PTPRO: variants seen among roughly 807,000 people sequenced by gnomAD.
The protein encoded by PTPRO is protein tyrosine phosphatase receptor type O.
In PTPRO, 62 loss-of-function variants were observed where a neutral mutation model predicts 145.2. The ratio of observed to expected loss-of-function variants is 0.43; its 90% CI spans 0.35 to 0.53. The LOEUF (loss-of-function observed/expected upper bound fraction) is 0.53. Among genes scored for constraint, PTPRO ranks in the 20% least tolerant of loss-of-function variants. PTPRO has a pLI of 0.01. For synonymous variants in PTPRO, 565 were observed against 514.7 expected, an observed-to-expected ratio of 1.10 and a Z score of -1.32; for missense variants, 1,345 against 1,482.7, an observed-to-expected ratio of 0.91 and a Z score of 1.53.
chr12:15,363,975 A>G (rs1318165552), intron 1 of PTPRO, among the ~76,000 whole-genome samples: 2 of 152,200 alleles, frequency 1.3e-5, no homozygotes, highest in Non-Finnish European at 2.9e-5. Flanking sequence ...TGAATAAGTG[A>G]AACAAGATGT....
Position 15,366,585 on chromosome 12 carries a change from T to C in PTPRO, c.75+43784T>C, listed in dbSNP as rs544325442. Among the ~76,000 whole-genome samples, 52 of 152,300 alleles carry C rather than the reference T, an allele frequency of 3.4e-4. 1 individual carries two copies. In the South Asian group the frequency reaches 0.011, roughly 32 times the overall value. ...TTAGACAAAAGCTGTAAATAAATAT[T>C]GTTAAAAAGAAATGGGTAGTATAGT... On this transcript the variant is annotated intron_variant, in intron 1 of 26. Coordinates refer to ENST00000281171, the MANE Select transcript of PTPRO (RefSeq NM_030667.3).
At chr12:15,501,370 A>G (rs1942217830) in intron 4 of PTPRO, among the ~76,000 whole-genome samples, 1 of 152,220 alleles carries the variant, frequency 6.6e-6, no homozygotes, top group Admixed American at 6.5e-5. Flanking sequence ...CAACAAGCAT[A>G]ATATTGTAAG....
At chr12:15,518,533 C>G (rs1942647377) in intron 9 of PTPRO, among the ~76,000 whole-genome samples, 1 of 152,186 alleles carries the variant, frequency 6.6e-6, no homozygotes, top group East Asian at 1.9e-4. Flanking sequence ...ATGGGATTTT[C>G]TTTTCTATCA....
intron 1 of PTPRO, among the ~76,000 whole-genome samples, chr12:15,345,443 T>C (rs1432722862): frequency 1.3e-5 from 2 of 152,100 alleles, no homozygotes; most frequent in African/African-American, 4.8e-5. Flanking sequence ...AAAGGATGAA[T>C]TCATGTCCTT....
chr12:15,518,113 A>G lies in PTPRO; in HGVS notation c.1779+1157A>G, dbSNP rs187043469. Among the ~76,000 whole-genome samples, 21 of 152,328 alleles carry G rather than the reference A, an allele frequency of 1.4e-4. No individual in the cohort carries two copies. The East Asian group carries it at 3.9e-3, about 28-fold the overall frequency. ...CAAGTGTTTCCATACATTTTCTGAA[A>G]TCTAGGTGGAGGTTCCCAAACCTCA... On this transcript the variant is annotated intron_variant, in intron 9 of 26. Coordinates refer to ENST00000281171, the MANE Select transcript of PTPRO (RefSeq NM_030667.3).
chr12:15,468,858 A>G (rs1941475585), intron 1 of PTPRO, among the ~76,000 whole-genome samples: 1 of 152,224 alleles, frequency 6.6e-6, no homozygotes, highest in Admixed American at 6.5e-5. Flanking sequence ...TATTCTGCCT[A>G]TATAGGGATC....
At position 15,524,811 on chromosome 12, in the gene PTPRO, T is replaced by C; in HGVS notation, c.1892-3T>C. On this transcript the variant is annotated splice_polypyrimidine_tract_variant and splice_region_variant and intron_variant, in intron 10 of 26. Transcript: ENST00000281171. Reference sequence around the variant, plus strand: ...TAAATTGTGCCTCGTTTCTCCCTTGTAGCCCCAGTGGCTCCGGAAATCACT... The same window carrying C: ...TAAATTGTGCCTCGTTTCTCCCTTGCAGCCCCAGTGGCTCCGGAAATCACT... 2 of 1,612,162 alleles carry C rather than the reference T, an allele frequency of 1.2e-6. No homozygotes were observed. The highest frequency in any genetic ancestry group is 1.7e-6 in the Non-Finnish European group (2 of 1,178,228).
intron 6 of PTPRO, among the ~76,000 whole-genome samples, chr12:15,505,975 A>G (rs1275081063): frequency 6.6e-6 from 1 of 152,190 alleles, no homozygotes; most frequent in Non-Finnish European, 1.5e-5. Context: ...CATTTTTCAC[A>G]TTAAAATACA....
intron 8 of PTPRO, 136 bp from the exon 9 acceptor site, chr12:15,516,627 A>AAGGGAGGGAGGGAGGGAGGG: frequency 2.8e-6 from 2 of 727,138 alleles, no homozygotes; most frequent in African/African-American, 2.1e-5. Flanking sequence ...GGAAGGAAGG[A>AAGGGAGGGAGGGAGGGAGGG]AGGAAGGAAG....
intron 1 of PTPRO, among the ~76,000 whole-genome samples, chr12:15,452,795 A>C (rs1941079541): frequency 6.6e-6 from 1 of 152,074 alleles, no homozygotes; most frequent in Non-Finnish European, 1.5e-5. Context: ...GAGTTGATCA[A>C]CTTCATCTGC....
intron 12 of PTPRO, among the ~76,000 whole-genome samples, chr12:15,540,202 CTGCTTACAT>C: frequency 6.6e-6 from 1 of 152,320 alleles, no homozygotes; most frequent in East Asian, 1.9e-4. Flanking sequence ...GCAGTCCACA[CTGCTTACAT>C]TGCAGATGCT....
At chr12:15,540,629 C>T (rs1943162144) in intron 12 of PTPRO, among the ~76,000 whole-genome samples, 1 of 152,220 alleles carries the variant, frequency 6.6e-6, no homozygotes, top group African/African-American at 2.4e-5. Context: ...ACAATAAACA[C>T]ATTACATTCT....
At chr12:15,485,184 G>A (rs1023170873) in intron 2 of PTPRO, among the ~76,000 whole-genome samples, 4 of 152,092 alleles carry the variant, frequency 2.6e-5, no homozygotes, top group Admixed American at 2.0e-4. Flanking sequence ...AACCAAGCTA[G>A]AGGACATATT....
In PTPRO at chr12:15,406,767, G is replaced by A. The variant is rs186604855; in HGVS notation, c.76-77207G>A. On this transcript the variant is annotated intron_variant, in intron 1 of 26. Transcript: ENST00000281171. ...CACAAAATGTCAGATAAATGATGAGGCTCAGAAAGGATCCTTATAACATTT... is the reference window on the plus strand; with the variant it reads ...CACAAAATGTCAGATAAATGATGAGACTCAGAAAGGATCCTTATAACATTT... 6.6e-5 allele frequency among the ~76,000 whole-genome samples: 10 copies of A among 152,252 alleles called. No homozygotes were observed. In the East Asian group the frequency reaches 1.4e-3, roughly 21 times the overall value.
chr12:15,546,017 A>G (rs1591711574), intron 12 of PTPRO, among the ~76,000 whole-genome samples: 1 of 64,070 alleles, frequency 1.6e-5, no homozygotes, highest in East Asian at 3.8e-4. Context: ...CCCCGCCTCA[A>G]AAAAAAAAAA....
chr12:15,498,237 G>A (rs1942147917), intron 3 of PTPRO, among the ~76,000 whole-genome samples: 1 of 152,144 alleles, frequency 6.6e-6, no homozygotes. Context: ...AATGGATTTA[G>A]TTTTTCTGAG....
chr12:15,352,651 A>G (rs1249767073), intron 1 of PTPRO, among the ~76,000 whole-genome samples: 7 of 14,618 alleles, frequency 4.8e-4, no homozygotes, highest in African/African-American at 7.9e-4. Flanking sequence ...CTCTGTCTCA[A>G]AAAAAAAAAA....
At chr12:15,384,459 GA>G (rs1184334956) in intron 1 of PTPRO, among the ~76,000 whole-genome samples, 1 of 152,140 alleles carries the variant, frequency 6.6e-6, no homozygotes, top group Non-Finnish European at 1.5e-5. Context: ...TGGCTGATTT[GA>G]TTGCTAGCCA....
intron 1 of PTPRO, among the ~76,000 whole-genome samples, chr12:15,368,691 A>T (rs183562661): frequency 6.6e-6 from 1 of 152,334 alleles, no homozygotes; most frequent in Admixed American, 6.5e-5. Context: ...AAATTTCTCC[A>T]AACTGTTTAT....
Sources: allele counts gnomAD v4.1 joint callset (sites outside exome capture counted in the v4.1 genomes callset), GRCh38; gene constraint gnomAD v4.1.1; transcripts MANE v1.5; gene names NCBI Gene and HGNC (gene_info 2026-07-23, HGNC 2026-07-21).